Variants in ST3GAL1 observed in about 807,000 individuals in gnomAD.
ST3GAL1 encodes the protein ST3 beta-galactoside alpha-2,3-sialyltransferase 1, also known as CMP-N-acetylneuraminate-beta-galactosamide-alpha-2,3-sialyltransferase 1.
A neutral mutation model predicts 34.1 loss-of-function variants in ST3GAL1; 16 were observed. That is an observed-to-expected ratio of 0.47 (90% CI 0.32 to 0.71). The LOEUF is 0.71. Ranked by LOEUF, ST3GAL1 falls within the 30% of genes least tolerant of loss-of-function variation. The pLI, the probability that ST3GAL1 is intolerant of heterozygous loss-of-function variation, is 0.04. For missense variants in ST3GAL1, 353 were observed against 447.4 expected, an observed-to-expected ratio of 0.79 and a Z score of 1.90; for synonymous variants, 191 against 184.7, an observed-to-expected ratio of 1.03 and a Z score of -0.28.
intron 2 of ST3GAL1, among the ~76,000 whole-genome samples, chr8:133,519,879 G>A (rs1464161399): frequency 6.6e-6 from 1 of 152,182 alleles, no homozygotes; most frequent in East Asian, 1.9e-4. Context: ...GAACCTGGGA[G>A]GCAGAAGCTG....
At chr8:133,498,126 C>A (rs1221766834) in intron 3 of ST3GAL1, among the ~76,000 whole-genome samples, 4 of 152,236 alleles carry the variant, frequency 2.6e-5, no homozygotes, top group African/African-American at 9.6e-5. Flanking sequence ...CCCTTCACAG[C>A]CTTCATCAGG....
intron 2 of ST3GAL1, among the ~76,000 whole-genome samples, chr8:133,519,418 G>C (rs1817735276): frequency 6.6e-6 from 1 of 152,152 alleles, no homozygotes; most frequent in Non-Finnish European, 1.5e-5. Context: ...TTCCATTCCT[G>C]GGTAAATACT....
chr8:133,460,822 G>A (rs1054160043), intron 9 of ST3GAL1, among the ~76,000 whole-genome samples: 1 of 152,156 alleles, frequency 6.6e-6, no homozygotes, highest in Non-Finnish European at 1.5e-5. Flanking sequence ...ATGACCAGAA[G>A]GAATTGCATG....
At chr8:133,475,247 C>T (rs905507529) in intron 5 of ST3GAL1, among the ~76,000 whole-genome samples, 6 of 152,330 alleles carry the variant, frequency 3.9e-5, no homozygotes, top group South Asian at 2.1e-4. Context: ...CCAGCACTGC[C>T]GGCAGCTGGC....
At chr8:133,488,740 G>A (rs919779197) in intron 3 of ST3GAL1, among the ~76,000 whole-genome samples, 1 of 152,226 alleles carries the variant, frequency 6.6e-6, no homozygotes, top group Admixed American at 6.5e-5. Flanking sequence ...GATTGGGCAG[G>A]GAGTGTGAGA....
intron 2 of ST3GAL1, among the ~76,000 whole-genome samples, chr8:133,503,594 T>C (rs1221114091): frequency 1.3e-5 from 2 of 151,298 alleles, no homozygotes; most frequent in African/African-American, 4.9e-5. Flanking sequence ...CTTTGATCAA[T>C]TGTTTTTCCT....
At chr8:133,541,124 G>GAGAGAGAGAGAGAGAGAGAA (rs1563734701) in intron 2 of ST3GAL1, among the ~76,000 whole-genome samples, 3 of 112,058 alleles carry the variant, frequency 2.7e-5, no homozygotes, top group African/African-American at 8.0e-5. Flanking sequence ...TATATATAGA[G>GAGAGAGAGAGAGAGAGAGAA]AGAGAGAGAG....
At position 133,556,641 on chromosome 8, in the gene ST3GAL1, GA is replaced by G. The variant is rs1463624693; in HGVS notation, c.-581-10716del. The stretch of plus-strand genomic sequence containing the variant: ...AGAAACGAAAGAAGAAAGGGAGGGA[GA>G]AAAAGAAGGAACGAAAATGGGAAGG... On this transcript the variant is annotated intron_variant, in intron 1 of 9. Transcript: ENST00000522652. This position sits in a 1 kb window ranked among gnomAD's most constrained non-coding sequence, Gnocchi z 8.9. Among the ~76,000 whole-genome samples, 6 of 152,106 alleles carry G rather than the reference GA, an allele frequency of 3.9e-5. No individual in the cohort carries two copies. The highest frequency in any genetic ancestry group is 1.4e-4 in the African/African-American group (6 of 41,394).
intron 3 of ST3GAL1, among the ~76,000 whole-genome samples, chr8:133,479,572 T>C (rs1435939034): frequency 1.3e-5 from 2 of 152,188 alleles, no homozygotes; most frequent in Non-Finnish European, 2.9e-5. Flanking sequence ...CTGAAACAGA[T>C]GACTGTTGAT....
rs565582813 is a variant in ST3GAL1, at chr8:133,534,948, G to A, written c.-429+10826C>T. The stretch of plus-strand genomic sequence containing the variant: ...CACCGCTCAAGGGGCTCCCAGTGCA[G>A]CAGGGGAAAAGGAAAGGTACATGAG... On this transcript the variant is annotated intron_variant, in intron 2 of 9. Transcript: ENST00000522652. Among the ~76,000 whole-genome samples, 4 of 152,348 alleles carry A rather than the reference G, an allele frequency of 2.6e-5. No individual in the cohort carries two copies. The East Asian group carries it at 7.7e-4, about 29-fold the overall frequency.
At chr8:133,557,529 C>T (rs1197730084) in intron 1 of ST3GAL1, among the ~76,000 whole-genome samples, 1 of 152,142 alleles carries the variant, frequency 6.6e-6, no homozygotes, top group Non-Finnish European at 1.5e-5. Context: ...TCGCACCAGC[C>T]AGGCCCTGTC....
rs1586667443 is a variant in ST3GAL1 at position 133,556,400 on chromosome 8, T to C, written c.-581-10474A>G. ...ACAGGAGACAACCCCTTGGCCTTGC[T>C]CTTGGATGGACTGAATTTGCTTTCA... On this transcript the variant is annotated intron_variant, in intron 1 of 9. Coordinates refer to ENST00000522652, the MANE Select transcript of ST3GAL1 (RefSeq NM_173344.3). The surrounding 1 kb of genome is among the most constrained non-coding windows in gnomAD (Gnocchi z 8.9). 6.6e-6 allele frequency among the ~76,000 whole-genome samples: 1 copy of C among 152,282 alleles called. No homozygotes were observed. The highest frequency in any genetic ancestry group is 1.9e-4 in the East Asian group (1 of 5,170).
rs1184277429 is a variant in ST3GAL1, at chr8:133,540,924, T to TATATATAGAC, written c.-429+4840_-429+4849dup. Among the ~76,000 whole-genome samples, 2 of 75,888 alleles carry TATATATAGAC rather than the reference T, an allele frequency of 2.6e-5. 1 individual carries two copies. The highest frequency in any genetic ancestry group is 1.1e-4 in the African/African-American group (2 of 17,724). 49.8% of individuals were successfully genotyped at this position (75,888 alleles called of 152,430 possible). A position where few individuals can be genotyped will look rare whatever the true frequency, so the allele number is the denominator to read the frequency against. On this transcript the variant is annotated intron_variant, in intron 2 of 9. Transcript: ENST00000522652. ...ATATATAGACATATATATAGACATA[T>TATATATAGAC]ATATATAGACATATATAGACATATA...
chr8:133,501,677 A>T (rs967356936), intron 2 of ST3GAL1, among the ~76,000 whole-genome samples: 2 of 152,146 alleles, frequency 1.3e-5, no homozygotes, highest in African/African-American at 4.8e-5. Flanking sequence ...TGAACCCAGG[A>T]GGTGGAGGTT....
At chr8:133,476,174 G>A (rs529983914) in intron 4 of ST3GAL1, 100 bp from the exon 5 acceptor site, 59 of 833,960 alleles carry the variant, frequency 7.1e-5, no homozygotes, top group African/African-American at 6.7e-4. Flanking sequence ...CGCTAAGCTC[G>A]ACTTCACTCC....
chr8:133,555,089 C>T (rs1016806089), intron 1 of ST3GAL1, among the ~76,000 whole-genome samples: 4 of 152,080 alleles, frequency 2.6e-5, no homozygotes, highest in South Asian at 2.1e-4. Context: ...AGGGATTTCC[C>T]GGCTGGTGTC....
chr8:133,562,850 C>CTTTCT (rs1280055256), intron 1 of ST3GAL1, among the ~76,000 whole-genome samples: 9 of 106,354 alleles, frequency 8.5e-5, no homozygotes, highest in African/African-American at 3.1e-4. Flanking sequence ...TCCTTTCTTT[C>CTTTCT]TTTTTTTTTT....
chr8:133,494,569 C>A (rs1816883374), intron 3 of ST3GAL1, among the ~76,000 whole-genome samples: 1 of 152,192 alleles, frequency 6.6e-6, no homozygotes, highest in South Asian at 2.1e-4. Flanking sequence ...TCTGCTTATG[C>A]CCCTACCTAC....
chr8:133,487,917 G>A lies in ST3GAL1; in HGVS notation c.-374+11218C>T, dbSNP rs149335817. 5.2e-3 allele frequency among the ~76,000 whole-genome samples: 778 copies of A among 150,148 alleles called. 6 individuals are homozygous for A. The highest frequency in any genetic ancestry group is 0.01 in the Middle Eastern group (3 of 294). On this transcript the variant is annotated intron_variant, in intron 3 of 9. Transcript: ENST00000522652. The stretch of plus-strand genomic sequence containing the variant: ...CGGGAGGCAGAGGTTGCAGTGAGCC[G>A]AGATTGCACCACTGCATTCTAGCCT...
Sources: gnomAD v4.1 joint callset for allele counts (sites outside exome capture counted in the v4.1 genomes callset) on GRCh38, gnomAD v4.1.1 for gene constraint, Gnocchi (gnomAD v3.1) non-coding constraint, MANE v1.5 for transcripts, NCBI Gene and HGNC (gene_info 2026-07-23, HGNC 2026-07-21) for gene names.